HTR4: variants seen among roughly 807,000 people sequenced by gnomAD.
HTR4 encodes the protein 5-hydroxytryptamine (serotonin) receptor 4, G protein-coupled.
A neutral mutation model predicts 36.8 loss-of-function variants in HTR4; 16 were observed. The ratio of observed to expected loss-of-function variants is 0.43; its 90% CI spans 0.29 to 0.66. The LOEUF is 0.66. HTR4 is among the 30% of genes least tolerant of loss of function. HTR4 has a pLI of 0.13. For synonymous variants in HTR4, 189 were observed against 185.1 expected, an observed-to-expected ratio of 1.02 and a Z score of -0.17; for missense variants, 438 against 490.9, an observed-to-expected ratio of 0.89 and a Z score of 1.02.
At chr5:148,613,832 G>C (rs1315095536) in intron 2 of HTR4, among the ~76,000 whole-genome samples, 9 of 151,942 alleles carry the variant, frequency 5.9e-5, no homozygotes, top group African/African-American at 1.9e-4. Flanking sequence ...CTTCAGCAAA[G>C]TCTCAGGATA....
intron 4 of HTR4, among the ~76,000 whole-genome samples, chr5:148,534,052 G>T (rs1279377586): frequency 6.6e-6 from 1 of 152,190 alleles, no homozygotes; most frequent in Non-Finnish European, 1.5e-5. Context: ...TATTTGTTAT[G>T]TGCAATGGAG....
At chr5:148,514,929 G>A (rs1192915300) in intron 5 of HTR4, among the ~76,000 whole-genome samples, 1 of 151,564 alleles carries the variant, frequency 6.6e-6, no homozygotes, top group African/African-American at 2.4e-5. Flanking sequence ...ATATTTAATG[G>A]TCCTCTCTTA....
intron 1 of HTR4, chr5:148,646,006 T>C (rs1462069112): frequency 1.3e-5 from 2 of 152,256 alleles, no homozygotes; most frequent in Non-Finnish European, 2.9e-5. Context: ...AAATTAACTC[T>C]TTACAACTAG....
chr5:148,538,689 T>C (rs980179835), intron 4 of HTR4, among the ~76,000 whole-genome samples: 2 of 151,772 alleles, frequency 1.3e-5, no homozygotes, highest in Admixed American at 1.3e-4. Context: ...AGCTCTACAA[T>C]GAGAATTACA....
In HTR4 at chr5:148,482,917, G is replaced by C; in HGVS notation, c.*286C>G. On this transcript the variant is annotated 3_prime_UTR_variant, in exon 7 of 7. Coordinates refer to ENST00000377888, the MANE Select transcript of HTR4 (RefSeq NM_000870.7). The stretch of plus-strand genomic sequence containing the variant: ...ACAGATCAGACACAGTGAGTGACGG[G>C]AACATGTCAGAGACACCAGAGACCA... 1 of 1,316,032 alleles carries C rather than the reference G, an allele frequency of 7.6e-7. No homozygotes were observed. Among genetic ancestry groups the C allele is most frequent in the Non-Finnish European group, 9.8e-7 (1 of 1,024,656 alleles). 81.5% of individuals were successfully genotyped at this position (1,316,032 alleles called of 1,614,324 possible). A position where few individuals can be genotyped will look rare whatever the true frequency, so the allele number is the denominator to read the frequency against.
chr5:148,554,357 G>A (rs946791029), intron 2 of HTR4, among the ~76,000 whole-genome samples: 4 of 152,174 alleles, frequency 2.6e-5, no homozygotes, highest in Non-Finnish European at 5.9e-5. Context: ...TTACAGGCAT[G>A]AGCCACCGCG....
chr5:148,482,997 C>T lies in HTR4; in HGVS notation c.*206G>A, dbSNP rs1284742735. ...GGAGTGTTGGGAAATAAAAAGTGAA[C>T]AAGGAGGCCATTATGTCCCCTGACT... is the stretch of plus-strand genomic sequence containing the variant. On this transcript the variant is annotated 3_prime_UTR_variant, in exon 7 of 7. Transcript: ENST00000377888. The T allele has an allele frequency of 7.0e-7, 1 of 1,426,862 alleles. No homozygotes were observed. The highest frequency in any genetic ancestry group is 9.2e-7 in the Non-Finnish European group (1 of 1,088,146). The allele number at this position is 1,426,862 out of a possible 1,614,324, so 88.4% of individuals were successfully genotyped here. A position where few individuals can be genotyped will look rare whatever the true frequency, so the allele number is the denominator to read the frequency against.
chr5:148,550,361 C>A, intron 2 of HTR4, 99 bp from the exon 3 acceptor site: 1 of 1,353,420 alleles, frequency 7.4e-7, no homozygotes, highest in South Asian at 1.3e-5. Flanking sequence ...GGTAACTTCA[C>A]CATCAGCTGA....
chr5:148,586,556 A>T (rs190152521), intron 2 of HTR4, among the ~76,000 whole-genome samples: 1 of 152,238 alleles, frequency 6.6e-6, no homozygotes, highest in East Asian at 1.9e-4. Flanking sequence ...GAATTCCCTC[A>T]CTATCACAAG....
chr5:148,619,775 G>A (rs187780559), intron 2 of HTR4, among the ~76,000 whole-genome samples: 1 of 152,196 alleles, frequency 6.6e-6, no homozygotes, highest in East Asian at 1.9e-4. Flanking sequence ...TTTTAAAAAA[G>A]AAAGGGCCAA....
intron 2 of HTR4, among the ~76,000 whole-genome samples, chr5:148,605,195 T>C (rs1254258464): frequency 6.6e-6 from 1 of 151,998 alleles, no homozygotes; most frequent in East Asian, 1.9e-4. Context: ...GTCTCTGCTT[T>C]TTTCAGTATG....
At chr5:148,603,856 G>A (rs1752024226) in intron 2 of HTR4, among the ~76,000 whole-genome samples, 1 of 151,918 alleles carries the variant, frequency 6.6e-6, no homozygotes, top group Non-Finnish European at 1.5e-5. Flanking sequence ...CAAACCAAAG[G>A]GACAAATAGG....
intron 5 of HTR4, among the ~76,000 whole-genome samples, chr5:148,521,533 A>G (rs1252713691): frequency 6.6e-6 from 1 of 151,666 alleles, no homozygotes; most frequent in East Asian, 1.9e-4. Flanking sequence ...TTGGACAGGA[A>G]CTACACTATT....
At chr5:148,584,256 T>C (rs1325236071) in intron 2 of HTR4, among the ~76,000 whole-genome samples, 3 of 152,082 alleles carry the variant, frequency 2.0e-5, no homozygotes, top group Non-Finnish European at 4.4e-5. Flanking sequence ...TATTTTACTA[T>C]GGAGAAACTG....
At chr5:148,562,875 T>C (rs1760275982) in intron 2 of HTR4, among the ~76,000 whole-genome samples, 1 of 152,194 alleles carries the variant, frequency 6.6e-6, no homozygotes. Context: ...TTACCAGCCA[T>C]TCAATGTCAT....
downstream of HTR4, chr5:148,476,810 CAGG>C: frequency 1.2e-6 from 2 of 1,608,090 alleles, no homozygotes; most frequent in Non-Finnish European, 8.5e-7. Flanking sequence ...CAAAATGTCA[CAGG>C]AGAAGAACAA....
chr5:148,595,045 G>T (rs951234496), intron 2 of HTR4, among the ~76,000 whole-genome samples: 2 of 149,996 alleles, frequency 1.3e-5, no homozygotes, highest in Admixed American at 6.6e-5. Flanking sequence ...TCTGCTGGAA[G>T]AAATAACCAT....
intron 2 of HTR4, among the ~76,000 whole-genome samples, chr5:148,589,449 T>G (rs528693554): frequency 6.6e-6 from 1 of 152,328 alleles, no homozygotes; most frequent in South Asian, 2.1e-4. Flanking sequence ...CATTTCCCTA[T>G]TTTCTTGTGA....
intron 2 of HTR4, among the ~76,000 whole-genome samples, chr5:148,631,181 C>G (rs1753308231): frequency 6.6e-6 from 1 of 152,088 alleles, no homozygotes; most frequent in African/African-American, 2.4e-5. Flanking sequence ...CAAGATGAGT[C>G]CCAGCTCATA....
Sources: allele counts gnomAD v4.1 joint callset (sites outside exome capture counted in the v4.1 genomes callset), GRCh38; gene constraint gnomAD v4.1.1; transcripts MANE v1.5; gene names NCBI Gene and HGNC (gene_info 2026-07-23, HGNC 2026-07-21).